QKI: variants seen among roughly 807,000 people sequenced by gnomAD.
The protein encoded by QKI is KH domain-containing RNA-binding protein QKI.
QKI carries 10 observed loss-of-function variants against 39.0 expected under a neutral mutation model. That is an observed-to-expected ratio of 0.26 (90% CI 0.16 to 0.43). The LOEUF is 0.43. QKI is among the 20% of genes least tolerant of loss of function. QKI has a pLI of 1.00. For synonymous variants in QKI, 204 were observed against 155.4 expected, an observed-to-expected ratio of 1.31 and a Z score of -2.33; for missense variants, 218 against 428.0, an observed-to-expected ratio of 0.51 and a Z score of 4.33.
chr6:163,540,241 A>AG (rs1216240451), intron 4 of QKI, among the ~76,000 whole-genome samples: 1 of 152,056 alleles, frequency 6.6e-6, no homozygotes, highest in African/African-American at 2.4e-5. Context: ...GGGTCCTAGC[A>AG]GGGTGGGGAG....
At chr6:163,420,548 C>T (rs1787914749) in intron 1 of QKI, among the ~76,000 whole-genome samples, 1 of 152,086 alleles carries the variant, frequency 6.6e-6, no homozygotes, top group Non-Finnish European at 1.5e-5. Context: ...GGAGGTCACA[C>T]AGATATATAC....
rs1783388876 is a variant in QKI, at chr6:163,566,812, A to C, written c.1009+17A>C. The C allele has an allele frequency of 6.2e-7, 1 of 1,612,662 alleles. No homozygotes were observed. Among genetic ancestry groups the C allele is most frequent in the African/African-American group, 1.3e-5 (1 of 74,876 alleles). ...CAGACCGAGGTTAGTTTAGTTCTGC[A>C]GTTCTTGTCTATAAGAAATGCGTTG... On this transcript the variant is annotated intron_variant, in intron 7 of 7. Coordinates refer to ENST00000361752, the MANE Select transcript of QKI (RefSeq NM_006775.3).
At chr6:163,472,254 TAAGG>T (rs758492199) in intron 2 of QKI, among the ~76,000 whole-genome samples, 48 of 152,254 alleles carry the variant, frequency 3.2e-4, no homozygotes, top group Middle Eastern at 3.4e-3. Context: ...AAAGAAATCA[TAAGG>T]AAGAAAAAAT....
chr6:163,534,811 C>T, intron 3 of QKI, 171 bp from the exon 4 acceptor site: 2 of 520,426 alleles, frequency 3.8e-6, no homozygotes, highest in Non-Finnish European at 3.3e-6. Context: ...ACCCAGTAGT[C>T]TCACATTCAA....
intron 3 of QKI, among the ~76,000 whole-genome samples, chr6:163,510,415 T>G (rs995028282): frequency 1.3e-5 from 2 of 149,080 alleles, no homozygotes; most frequent in Non-Finnish European, 3.0e-5. Flanking sequence ...ACAAAAATTA[T>G]CCAGGCATGG....
chr6:163,442,948 A>G lies in QKI; in HGVS notation c.143-12331A>G, dbSNP rs188447566. Among the ~76,000 whole-genome samples the G allele has an allele frequency of 3.5e-4, 53 of 152,296 alleles. No individual in the cohort carries two copies. In the East Asian group the frequency reaches 9.6e-3, roughly 28 times the overall value. Reference sequence around the variant, plus strand: ...GAAAAACTGATTAAATTTGCTTTCCAAGTATGTTATTATATGATAGAATGT... The same window carrying G: ...GAAAAACTGATTAAATTTGCTTTCCGAGTATGTTATTATATGATAGAATGT... On this transcript the variant is annotated intron_variant, in intron 1 of 7. Transcript: ENST00000361752.
rs1259225024 is a variant in QKI, at chr6:163,573,843, A to G, written c.*3133A>G. On this transcript the variant is annotated 3_prime_UTR_variant, in exon 8 of 8. Transcript: ENST00000361752. ...TTATTAACCTTTATATGTTTAATTA[A>G]AATAAACAAATAAAGACAAAAGAAT... is the stretch of plus-strand genomic sequence containing the variant. 6.6e-6 allele frequency: 1 copy of G among 152,204 alleles called. No homozygotes were observed. Among genetic ancestry groups the G allele is most frequent in the Non-Finnish European group, 1.5e-5 (1 of 68,048 alleles). 9.4% of individuals were successfully genotyped at this position (152,204 alleles called of 1,614,324 possible).
chr6:163,480,835 A>T (rs1029928850), intron 3 of QKI, among the ~76,000 whole-genome samples: 1 of 152,228 alleles, frequency 6.6e-6, no homozygotes, highest in Non-Finnish European at 1.5e-5. Flanking sequence ...ACTGGCAGAT[A>T]TATAAATCTG....
intron 3 of QKI, among the ~76,000 whole-genome samples, chr6:163,501,621 T>A (rs113524906): frequency 0.02 from 3,080 of 152,316 alleles, 65 homozygotes; most frequent in Non-Finnish European, 0.033. Flanking sequence ...TATGCTTGTG[T>A]AATAAAGAAA....
At position 163,417,380 on chromosome 6, in the gene QKI, A is replaced by G. The variant is rs530766397; in HGVS notation, c.142+2045A>G. ...TCCTGAAATGTCGAATTCAAAGACTATAGGAGATTCCAAAAAAAAGTTTGA... is the reference window on the plus strand; with the variant it reads ...TCCTGAAATGTCGAATTCAAAGACTGTAGGAGATTCCAAAAAAAAGTTTGA... On this transcript the variant is annotated intron_variant, in intron 1 of 7. Transcript: ENST00000361752. Among the ~76,000 whole-genome samples, 6 of 152,302 alleles carry G rather than the reference A, an allele frequency of 3.9e-5. No homozygotes were observed. The South Asian group carries it at 8.3e-4, about 21-fold the overall frequency.
At chr6:163,440,213 A>G (rs1368274929) in intron 1 of QKI, among the ~76,000 whole-genome samples, 1 of 152,160 alleles carries the variant, frequency 6.6e-6, no homozygotes, top group African/African-American at 2.4e-5. Flanking sequence ...CACTCACTCT[A>G]GCAGCAACCA....
intron 3 of QKI, among the ~76,000 whole-genome samples, chr6:163,483,952 T>C (rs1028345489): frequency 6.6e-6 from 1 of 152,198 alleles, no homozygotes. Context: ...AAATTACTCC[T>C]TGATCCATGG....
At chr6:163,467,123 T>C (rs562365902) in intron 2 of QKI, among the ~76,000 whole-genome samples, 11 of 151,944 alleles carry the variant, frequency 7.2e-5, no homozygotes, top group African/African-American at 2.7e-4. Flanking sequence ...TATACAGATG[T>C]CCAAAAGGCT....
chr6:163,430,927 A>G (rs1788774770), intron 1 of QKI, among the ~76,000 whole-genome samples: 1 of 152,186 alleles, frequency 6.6e-6, no homozygotes, highest in Admixed American at 6.5e-5. Flanking sequence ...GTGTTGCCAT[A>G]TTAAGTCTCC....
At chr6:163,498,044 A>G (rs1232177430) in intron 3 of QKI, among the ~76,000 whole-genome samples, 2 of 152,152 alleles carry the variant, frequency 1.3e-5, no homozygotes, top group Non-Finnish European at 2.9e-5. Flanking sequence ...TGTTAGAATA[A>G]GAACTAAATT....
chr6:163,550,523 G>T (rs1782162036), intron 4 of QKI, among the ~76,000 whole-genome samples: 1 of 152,148 alleles, frequency 6.6e-6, no homozygotes, highest in African/African-American at 2.4e-5. Context: ...ATAAAACTGA[G>T]TTCTAACAGG....
chr6:163,563,967 A>G, intron 6 of QKI: 3 of 1,340,236 alleles, frequency 2.2e-6, no homozygotes, highest in East Asian at 2.8e-5. Context: ...TGTTGTGTAC[A>G]TTTCAACAAA....
In QKI at chr6:163,415,355, C is replaced by CG. The variant is rs749588392; in HGVS notation, c.142+22dup. On this transcript the variant is annotated intron_variant, in intron 1 of 7. Coordinates refer to ENST00000361752, the MANE Select transcript of QKI (RefSeq NM_006775.3). ...ACGAAGGTGAGCGTCTCCAGGGCCC[C>CG]GGCCCCGGCCCGACCCCCGCCGGGG... The CG allele has an allele frequency of 7.1e-6, 11 of 1,541,286 alleles. No individual in the cohort carries two copies. The African/African-American group carries it at 1.2e-4, about 17-fold the overall frequency.
At chr6:163,512,699 T>C (rs559770056) in intron 3 of QKI, among the ~76,000 whole-genome samples, 104 of 152,268 alleles carry the variant, frequency 6.8e-4, no homozygotes, top group Non-Finnish European at 1.2e-3. Flanking sequence ...ATTTACATTA[T>C]TTTAAAGTGT....
Sources: allele counts gnomAD v4.1 joint callset (sites outside exome capture counted in the v4.1 genomes callset), GRCh38; gene constraint gnomAD v4.1.1; transcripts MANE v1.5; gene names NCBI Gene and HGNC (gene_info 2026-07-23, HGNC 2026-07-21).